The following NCALD variants were observed in gnomAD, a reference collection of about 807,000 sequenced individuals.
NCALD encodes the protein neurocalcin delta, also known as neurocalcin-delta.
A neutral mutation model predicts 18.6 loss-of-function variants in NCALD; 10 were observed. The ratio of observed to expected loss-of-function variants is 0.54; its 90% confidence interval spans 0.33 to 0.91. NCALD has a LOEUF of 0.91. Ranked by LOEUF, NCALD falls within the 40% of genes least tolerant of loss-of-function variation. The pLI is 0.03. For synonymous variants in NCALD, 88 were observed against 87.4 expected, an observed-to-expected ratio of 1.01 and a Z score of -0.04; for missense variants, 184 against 247.6, an observed-to-expected ratio of 0.74 and a Z score of 1.72.
chr8:101,781,909 T>C lies in NCALD; in HGVS notation c.-20+8953A>G, dbSNP rs1354017137. ...AACATTCTGATAGTTGCCAGACACTTATATTGATGATCAGTATTCAAAGAT... is the reference window on the plus strand; with the variant it reads ...AACATTCTGATAGTTGCCAGACACTCATATTGATGATCAGTATTCAAAGAT... On this transcript the variant is annotated intron_variant, in intron 1 of 3. Coordinates refer to ENST00000220931, the MANE Select transcript of NCALD (RefSeq NM_032041.3). Among the ~76,000 whole-genome samples the C allele has an allele frequency of 2.0e-5, 3 of 151,988 alleles. No homozygotes were observed. The East Asian group carries it at 5.8e-4, about 29-fold the overall frequency.
At chr8:101,830,511 T>C (rs1267025172) in intron 4 of NCALD, among the ~76,000 whole-genome samples, 1 of 150,502 alleles carries the variant, frequency 6.6e-6, no homozygotes, top group Non-Finnish European at 1.5e-5. Flanking sequence ...CACGCACCAC[T>C]GCACTCCAGC....
chr8:101,731,898 T>G (rs542685525), intron 1 of NCALD, among the ~76,000 whole-genome samples: 2 of 152,236 alleles, frequency 1.3e-5, no homozygotes, highest in Admixed American at 1.3e-4. Context: ...CTACAGAAAC[T>G]CCAAGGCTGT....
chr8:101,808,756 G>A (rs1408133381), intron 4 of NCALD, among the ~76,000 whole-genome samples: 1 of 152,130 alleles, frequency 6.6e-6, no homozygotes, highest in Non-Finnish European at 1.5e-5. Context: ...AGACCATAAG[G>A]AAGTGGGCTG....
chr8:102,041,248 T>G (rs1823040590), intron 1 of NCALD, among the ~76,000 whole-genome samples: 1 of 152,200 alleles, frequency 6.6e-6, no homozygotes, highest in Non-Finnish European at 1.5e-5. Context: ...ATCAAGTATT[T>G]CCAAAAGTCA....
At chr8:101,947,245 T>C (rs1819212163) in intron 2 of NCALD, among the ~76,000 whole-genome samples, 1 of 152,162 alleles carries the variant, frequency 6.6e-6, no homozygotes, top group Non-Finnish European at 1.5e-5. Flanking sequence ...GAATTTTGCT[T>C]GTTGACTTTC....
At chr8:102,045,222 T>G (rs1274074244) in intron 1 of NCALD, among the ~76,000 whole-genome samples, 4 of 152,196 alleles carry the variant, frequency 2.6e-5, no homozygotes, top group Admixed American at 2.6e-4. Context: ...AGAACTGCCT[T>G]GTTCTACAGG....
At chr8:101,896,049 A>G (rs944760422) in intron 3 of NCALD, among the ~76,000 whole-genome samples, 5 of 151,172 alleles carry the variant, frequency 3.3e-5, no homozygotes, top group Admixed American at 3.3e-4. Context: ...AAGAGCCCGC[A>G]TCGCCAAGTC....
At chr8:102,019,793 A>C (rs1453544014) in intron 2 of NCALD, among the ~76,000 whole-genome samples, 1 of 152,174 alleles carries the variant, frequency 6.6e-6, no homozygotes, top group African/African-American at 2.4e-5. Flanking sequence ...ATGTAAACTA[A>C]AATTAACAAA....
chr8:102,020,100 C>T (rs1822221478), intron 2 of NCALD: 1 of 152,024 alleles, frequency 6.6e-6, no homozygotes, highest in Non-Finnish European at 1.5e-5. Context: ...GCCTCAATTT[C>T]CTCATGTATA....
chr8:101,874,835 C>G (rs1157749983), intron 4 of NCALD, among the ~76,000 whole-genome samples: 1 of 152,106 alleles, frequency 6.6e-6, no homozygotes, highest in Non-Finnish European at 1.5e-5. Flanking sequence ...GCGTCTTACC[C>G]AATTTTTAAC....
chr8:101,720,671 C>T (rs556762071), intron 1 of NCALD, among the ~76,000 whole-genome samples: 30 of 152,080 alleles, frequency 2.0e-4, no homozygotes, highest in Non-Finnish European at 3.7e-4. Context: ...GGGGAAAATG[C>T]CACTTTTATA....
intron 4 of NCALD, among the ~76,000 whole-genome samples, chr8:101,847,913 G>A (rs944026774): frequency 2.0e-5 from 3 of 152,228 alleles, no homozygotes; most frequent in South Asian, 2.1e-4. Flanking sequence ...AGGCATTTAC[G>A]CTCGTAAAAA....
intron 1 of NCALD, among the ~76,000 whole-genome samples, chr8:102,029,495 T>G (rs1822589757): frequency 6.6e-6 from 1 of 152,222 alleles, no homozygotes; most frequent in Non-Finnish European, 1.5e-5. Flanking sequence ...AAAGAAATTG[T>G]CACAGACATT....
At chr8:101,698,774 T>C (rs1815121048) in intron 2 of NCALD, among the ~76,000 whole-genome samples, 1 of 152,088 alleles carries the variant, frequency 6.6e-6, no homozygotes, top group Admixed American at 6.5e-5. Flanking sequence ...TATACAAAAA[T>C]TAACTCAAGA....
chr8:102,084,902 T>A (rs1184758392), intron 1 of NCALD, among the ~76,000 whole-genome samples: 1 of 152,138 alleles, frequency 6.6e-6, no homozygotes, highest in Non-Finnish European at 1.5e-5. Context: ...CTCCTGACTT[T>A]CCCGGTTGGG....
At chr8:101,726,150 C>G (rs866143570) in intron 1 of NCALD, among the ~76,000 whole-genome samples, 11 of 152,136 alleles carry the variant, frequency 7.2e-5, no homozygotes, top group Non-Finnish European at 1.2e-4. Context: ...GAGATGACAT[C>G]AGCACCATCA....
intron 1 of NCALD, among the ~76,000 whole-genome samples, chr8:102,040,549 A>AG (rs1823016025): frequency 1.3e-5 from 2 of 152,160 alleles, no homozygotes; most frequent in Admixed American, 1.3e-4. Flanking sequence ...GTATCAACCT[A>AG]GAGAAAGGTA....
chr8:102,007,393 C>T (rs978866846), intron 2 of NCALD, among the ~76,000 whole-genome samples: 1 of 152,140 alleles, frequency 6.6e-6, no homozygotes, highest in African/African-American at 2.4e-5. Context: ...GGAAAAGAAG[C>T]AGATTCTCAG....
At chr8:101,707,883 T>A (rs1281089518) in intron 2 of NCALD, among the ~76,000 whole-genome samples, 1 of 150,742 alleles carries the variant, frequency 6.6e-6, no homozygotes. Flanking sequence ...ATGGTAATAA[T>A]AAATAAATAA....
Sources: allele counts gnomAD v4.1 joint callset (sites outside exome capture counted in the v4.1 genomes callset), GRCh38; gene constraint gnomAD v4.1.1; transcripts MANE v1.5; gene names NCBI Gene and HGNC (gene_info 2026-07-23, HGNC 2026-07-21).